ADGRL2: variants seen among roughly 807,000 people sequenced by gnomAD.
ADGRL2 encodes adhesion G protein-coupled receptor L2.
A neutral mutation model predicts 157.4 loss-of-function variants in ADGRL2; 44 were observed. That is an observed-to-expected ratio of 0.28 (90% CI 0.22 to 0.36). The LOEUF (loss-of-function observed/expected upper bound fraction) is 0.36, where lower values mean the gene tolerates loss of function less well. Among genes scored for constraint, ADGRL2 ranks in the 10% least tolerant of loss-of-function variants. The pLI, the probability that ADGRL2 is intolerant of heterozygous loss-of-function variation, is 1.00. For missense variants in ADGRL2, 1,510 were observed against 1,768.9 expected, an observed-to-expected ratio of 0.85 and a Z score of 2.63; for synonymous variants, 585 against 624.7, an observed-to-expected ratio of 0.94 and a Z score of 0.95.
intron 1 of ADGRL2, among the ~76,000 whole-genome samples, chr1:81,407,979 C>G (rs191843565): frequency 3.9e-5 from 6 of 152,284 alleles, no homozygotes; most frequent in Admixed American, 3.9e-4. Flanking sequence ...GTATTACAGG[C>G]TCACCTCATT....
intron 2 of ADGRL2, among the ~76,000 whole-genome samples, chr1:81,445,882 A>G (rs12118952): frequency 0.13 from 20,296 of 152,162 alleles, 2,038 homozygotes; most frequent in East Asian, 0.6. Flanking sequence ...TAAAATGCTT[A>G]AAATATTGCC....
intron 1 of ADGRL2, among the ~76,000 whole-genome samples, chr1:81,375,584 C>T (rs577825003): frequency 9.9e-5 from 15 of 152,146 alleles, no homozygotes; most frequent in Non-Finnish European, 2.1e-4. Flanking sequence ...GGAAATATTA[C>T]CATCTTTAGA....
intron 3 of ADGRL2, among the ~76,000 whole-genome samples, chr1:81,648,472 C>G (rs2082354351): frequency 6.6e-6 from 1 of 152,198 alleles, no homozygotes; most frequent in Non-Finnish European, 1.5e-5. Flanking sequence ...TATAAATCCT[C>G]TCTGTTTACT....
chr1:81,983,437 C>G (rs1465309418), intron 19 of ADGRL2, among the ~76,000 whole-genome samples: 1 of 151,804 alleles, frequency 6.6e-6, no homozygotes, highest in East Asian at 1.9e-4. Context: ...CTAAATAAAG[C>G]TAAAAAGATG....
At chr1:81,983,220 A>G (rs1662159700) in intron 19 of ADGRL2, among the ~76,000 whole-genome samples, 1 of 151,958 alleles carries the variant, frequency 6.6e-6, no homozygotes, top group Non-Finnish European at 1.5e-5. Flanking sequence ...TTTAACAATT[A>G]CATTTTAAAT....
At position 81,732,458 on chromosome 1, in the gene ADGRL2, C is replaced by A. The variant is rs2084758897; in HGVS notation, c.-142-29353C>A. Among the ~76,000 whole-genome samples the A allele has an allele frequency of 2.0e-5, 3 of 152,002 alleles. No individual in the cohort carries two copies. The South Asian group carries it at 6.2e-4, about 31-fold the overall frequency. The stretch of plus-strand genomic sequence containing the variant: ...ATTGCTTATGTATATTATTTAATGC[C>A]AGCACAGCCTTACAGAGGTACTGTT... On this transcript the variant is annotated intron_variant, in intron 1 of 20. Coordinates refer to the ADGRL2 transcript ENST00000359929.
rs1462157321 is a variant in ADGRL2 at position 81,801,035 on chromosome 1, G to T, written c.-134G>T. Among the ~76,000 whole-genome samples the T allele has an allele frequency of 6.6e-6, 1 of 151,236 alleles. No homozygotes were observed. Among genetic ancestry groups the T allele is most frequent in the East Asian group, 2.0e-4 (1 of 5,094 alleles). ...GGCCTGGTCCTCGGGCGGCTGCTTG[G>T]CCACCGCCACCGCCGTCCGAAGGGC... On this transcript the variant is annotated 5_prime_UTR_variant, in exon 1 of 24. Transcript: ENST00000686636.
intron 1 of ADGRL2, among the ~76,000 whole-genome samples, chr1:81,750,825 G>A (rs1027305631): frequency 1.6e-4 from 24 of 152,158 alleles, no homozygotes; most frequent in African/African-American, 5.8e-4. Flanking sequence ...AGATATATAT[G>A]GAAATAAATA....
intron 1 of ADGRL2, among the ~76,000 whole-genome samples, chr1:81,704,379 T>C (rs1242182092): frequency 6.6e-6 from 1 of 152,182 alleles, no homozygotes; most frequent in Non-Finnish European, 1.5e-5. Context: ...ACTAAGTGGC[T>C]GCCAGTGGAC....
intron 1 of ADGRL2, among the ~76,000 whole-genome samples, chr1:81,710,745 A>T (rs2083901784): frequency 6.6e-6 from 1 of 150,914 alleles, no homozygotes; most frequent in Non-Finnish European, 1.5e-5. Flanking sequence ...TTATGAAGAA[A>T]ATCAGCCTTG....
intron 3 of ADGRL2, among the ~76,000 whole-genome samples, chr1:81,918,772 G>A (rs1195818138): frequency 1.3e-5 from 2 of 152,066 alleles, no homozygotes; most frequent in Admixed American, 6.6e-5. Flanking sequence ...AGACTATGTC[G>A]CTAAAAATAT....
At chr1:81,440,215 C>A (rs2077482299) in intron 1 of ADGRL2, among the ~76,000 whole-genome samples, 1 of 152,214 alleles carries the variant, frequency 6.6e-6, no homozygotes, top group Admixed American at 6.5e-5. Context: ...GATGATTTAA[C>A]TTGTAGCTTG....
intron 3 of ADGRL2, among the ~76,000 whole-genome samples, chr1:81,618,833 A>G (rs1054079873): frequency 1.3e-5 from 2 of 151,542 alleles, no homozygotes; most frequent in Non-Finnish European, 2.9e-5. Context: ...CAGTATATGC[A>G]TCAGTAATCT....
chr1:81,808,143 C>T lies in ADGRL2; in HGVS notation c.-101+7075C>T, dbSNP rs887603339. 7.2e-5 allele frequency among the ~76,000 whole-genome samples: 11 copies of T among 151,796 alleles called. 1 individual carries two copies. The Middle Eastern group carries it at 0.01, about 141-fold the overall frequency. ...TTAAATACAATTTGTTTAATTACAA[C>T]GAAAATGCAGTTTTATGAAGTAATA... is the stretch of plus-strand genomic sequence containing the variant. On this transcript the variant is annotated intron_variant, in intron 1 of 23. Coordinates refer to ENST00000686636, the MANE Select transcript of ADGRL2 (RefSeq NM_001366006.2).
chr1:81,746,755 T>A (rs547106663), intron 1 of ADGRL2, among the ~76,000 whole-genome samples: 1 of 151,822 alleles, frequency 6.6e-6, no homozygotes, highest in Non-Finnish European at 1.5e-5. Context: ...GGATTCTTTT[T>A]AAAATAATTT....
intron 3 of ADGRL2, among the ~76,000 whole-genome samples, chr1:81,677,268 A>C (rs772024042): frequency 4.0e-5 from 6 of 151,828 alleles, no homozygotes; most frequent in Non-Finnish European, 5.9e-5. Flanking sequence ...TATAGGCATG[A>C]GCCACCACAC....
chr1:81,438,692 T>G (rs2077453715), intron 1 of ADGRL2, among the ~76,000 whole-genome samples: 1 of 152,164 alleles, frequency 6.6e-6, no homozygotes, highest in South Asian at 2.1e-4. Flanking sequence ...AGAAAGGAGT[T>G]TGCAGCAGGG....
At chr1:81,377,549 T>C (rs1270821778) in intron 1 of ADGRL2, among the ~76,000 whole-genome samples, 2 of 152,144 alleles carry the variant, frequency 1.3e-5, no homozygotes, top group African/African-American at 2.4e-5. Context: ...AGCAGCAACG[T>C]AGAGTTAAAA....
At chr1:81,794,988 A>G (rs910626412) in intron 2 of ADGRL2, among the ~76,000 whole-genome samples, 1 of 152,238 alleles carries the variant, frequency 6.6e-6, no homozygotes. Flanking sequence ...TGATTAGAGA[A>G]TAAAATCATG....
Sources: gnomAD v4.1 joint callset for allele counts (sites outside exome capture counted in the v4.1 genomes callset) on GRCh38, gnomAD v4.1.1 for gene constraint, MANE v1.5 for transcripts, NCBI Gene and HGNC (gene_info 2026-07-23, HGNC 2026-07-21) for gene names.